The following PLEKHG1 variants were observed in gnomAD, a reference collection of about 807,000 sequenced individuals.
The protein encoded by PLEKHG1 is pleckstrin homology domain-containing family G member 1.
A neutral mutation model predicts 100.8 loss-of-function variants in PLEKHG1; 44 were observed. The observed-to-expected ratio is 0.44, with a 90% CI of 0.34 to 0.56. The LOEUF (loss-of-function observed/expected upper bound fraction) is 0.56, where lower values mean the gene tolerates loss of function less well. Ranked by LOEUF, PLEKHG1 falls within the 20% of genes least tolerant of loss-of-function variation. The probability of loss-of-function intolerance (pLI) is 0.01; values close to 1 mark genes in which losing one functional copy is unlikely to be tolerated. For missense variants in PLEKHG1, 1,545 were observed against 1,720.9 expected, an observed-to-expected ratio of 0.90 and a Z score of 1.81; for synonymous variants, 640 against 662.5, an observed-to-expected ratio of 0.97 and a Z score of 0.52.
At chr6:150,629,121 G>T (rs746576862) in intron 1 of PLEKHG1, among the ~76,000 whole-genome samples, 8 of 152,226 alleles carry the variant, frequency 5.3e-5, no homozygotes, top group Non-Finnish European at 1.0e-4. Flanking sequence ...GGTACACACA[G>T]GTGGTGTGTA....
intron 3 of PLEKHG1, among the ~76,000 whole-genome samples, chr6:150,693,846 G>A (rs1780440233): frequency 6.6e-6 from 1 of 152,244 alleles, no homozygotes; most frequent in Non-Finnish European, 1.5e-5. Flanking sequence ...AGGTCAGGAG[G>A]CAGGGACCTC....
intron 2 of PLEKHG1, among the ~76,000 whole-genome samples, chr6:150,645,916 T>C (rs1778473176): frequency 6.6e-6 from 1 of 152,290 alleles, no homozygotes; most frequent in African/African-American, 2.4e-5. Flanking sequence ...AGCACATGAA[T>C]ACAGAAGAAA....
chr6:150,790,513 TA>T (rs1386382850), intron 4 of PLEKHG1, among the ~76,000 whole-genome samples: 1 of 152,190 alleles, frequency 6.6e-6, no homozygotes, highest in Admixed American at 6.5e-5. Flanking sequence ...GCTGTGTGTC[TA>T]GCATCTGAAT....
intron 3 of PLEKHG1, 151 bp downstream of exon 4, chr6:150,768,889 A>G (rs1029721866): frequency 8.5e-5 from 53 of 622,698 alleles, no homozygotes; most frequent in Non-Finnish European, 1.3e-4. Context: ...GCTTGGAAGT[A>G]TCCTTATTTC....
At chr6:150,800,671 C>T (rs765708544) in intron 5 of PLEKHG1, 48 bp from the exon 7 acceptor site, 1 of 1,562,196 alleles carries the variant, frequency 6.4e-7, no homozygotes. Flanking sequence ...ATTTGAATAC[C>T]CACATAAAGC....
At chr6:150,728,420 T>C (rs1189159152) in intron 1 of PLEKHG1, among the ~76,000 whole-genome samples, 1 of 149,954 alleles carries the variant, frequency 6.7e-6, no homozygotes, top group East Asian at 2.0e-4. Flanking sequence ...ATAGAAAGAC[T>C]TCATCTCTAG....
At chr6:150,697,458 G>A (rs979727935) in intron 3 of PLEKHG1, among the ~76,000 whole-genome samples, 1 of 152,204 alleles carries the variant, frequency 6.6e-6, no homozygotes, top group Non-Finnish European at 1.5e-5. Context: ...GAGTGGGGGA[G>A]ATTTAAGGAC....
chr6:150,795,911 C>G lies in PLEKHG1; in HGVS notation c.629+9C>G. 2 of 1,552,298 alleles carry G rather than the reference C, an allele frequency of 1.3e-6. No individual in the cohort carries two copies. The highest frequency in any genetic ancestry group is 2.2e-5 in the East Asian group (1 of 44,624). On this transcript the variant is annotated intron_variant, in intron 5 of 15. Coordinates refer to ENST00000358517, the Ensembl canonical transcript of PLEKHG1. ...TGCACTAACTATCCAAGGTATGGATCGAGAATGGGCCAAGAGTACTTTTGT... is the reference window on the plus strand; with the variant it reads ...TGCACTAACTATCCAAGGTATGGATGGAGAATGGGCCAAGAGTACTTTTGT...
At chr6:150,801,427 C>CTTTTTTTT (rs1562529984) in intron 6 of PLEKHG1, among the ~76,000 whole-genome samples, 2 of 132,952 alleles carry the variant, frequency 1.5e-5, no homozygotes. Flanking sequence ...ATTCTTTTTT[C>CTTTTTTTT]TTTTCTTTTC....
Position 150,787,055 on chromosome 6 carries a change from G to A in PLEKHG1, c.582+596G>A, listed in dbSNP as rs1247128160. ...CAAAAAAAAAAAAAAAAAAAAAGAA[G>A]ATGAATGTTAGAAAAATATAAAATA... On this transcript the variant is annotated intron_variant, in intron 4 of 15. Transcript: ENST00000358517. Among the ~76,000 whole-genome samples the A allele has an allele frequency of 1.6e-3, 238 of 144,488 alleles. 2 individuals carry two copies. The highest frequency in any genetic ancestry group is 2.1e-3 in the Admixed American group (30 of 14,476). 94.8% of individuals were successfully genotyped at this position (144,488 alleles called of 152,430 possible).
At chr6:150,674,506 A>C (rs181738405) in intron 3 of PLEKHG1, among the ~76,000 whole-genome samples, 149 of 152,340 alleles carry the variant, frequency 9.8e-4, no homozygotes, top group African/African-American at 3.4e-3. Context: ...AATGAAGAGT[A>C]GAGAGCTAGC....
chr6:150,842,463 G>A (rs1458697252), exon 16 of PLEKHG1: 1 of 152,066 alleles, frequency 6.6e-6, no homozygotes, highest in Non-Finnish European at 1.5e-5. Flanking sequence ...GTAAAACATA[G>A]AATATGAGCG....
intron 3 of PLEKHG1, among the ~76,000 whole-genome samples, chr6:150,780,042 C>CCAGG (rs1785220633): frequency 6.6e-6 from 1 of 151,976 alleles, no homozygotes; most frequent in Admixed American, 6.6e-5. Flanking sequence ...TACTGAAAGA[C>CCAGG]CAGGACACAA....
At chr6:150,724,569 T>G (rs1781867958) in intron 1 of PLEKHG1, among the ~76,000 whole-genome samples, 1 of 147,552 alleles carries the variant, frequency 6.8e-6, no homozygotes, top group African/African-American at 2.5e-5. Context: ...TTTTTTTTTT[T>G]TTTTTTTTGA....
intron 3 of PLEKHG1, among the ~76,000 whole-genome samples, chr6:150,651,660 AC>A (rs1413957944): frequency 1.3e-5 from 2 of 148,432 alleles, no homozygotes; most frequent in Non-Finnish European, 3.0e-5. Context: ...GGAGTTCGAG[AC>A]CAGCCTGGCC....
chr6:150,752,563 T>A (rs1447077427), intron 2 of PLEKHG1, among the ~76,000 whole-genome samples: 2 of 152,224 alleles, frequency 1.3e-5, no homozygotes, highest in African/African-American at 4.8e-5. Flanking sequence ...TGCAGCTGGC[T>A]CATTTCACTC....
intron 3 of PLEKHG1, chr6:150,652,046 A>G (rs1444179862): frequency 6.6e-6 from 1 of 152,176 alleles, no homozygotes; most frequent in Non-Finnish European, 1.5e-5. Context: ...GTTTTATTGA[A>G]TTAGTCTTTA....
intron 7 of PLEKHG1, among the ~76,000 whole-genome samples, chr6:150,808,108 G>A (rs577124718): frequency 6.6e-6 from 1 of 152,288 alleles, no homozygotes; most frequent in African/African-American, 2.4e-5. Context: ...AATGCTGGAG[G>A]TGACGGAGGC....
Position 150,665,265 on chromosome 6 carries a change from C to T in PLEKHG1, c.-99+14479C>T, listed in dbSNP as rs901478755. 1.2e-4 allele frequency among the ~76,000 whole-genome samples: 18 copies of T among 152,284 alleles called. No homozygotes were observed. The East Asian group carries it at 2.5e-3, about 21-fold the overall frequency. On this transcript the variant is annotated intron_variant, in intron 3 of 3. Transcript: ENST00000367326. ...TCACCCACTCTTCCCCAAAACACTA[C>T]GTCATTAGAAGAGAAAGCTAATATA...
Sources: gnomAD v4.1 joint callset for allele counts (sites outside exome capture counted in the v4.1 genomes callset) on GRCh38, gnomAD v4.1.1 for gene constraint, MANE v1.5 for transcripts, NCBI Gene and HGNC (gene_info 2026-07-23, HGNC 2026-07-21) for gene names.